The following BRINP1 variants were observed in gnomAD, a reference collection of about 807,000 sequenced individuals.
BRINP1 encodes the protein BMP/retinoic acid-inducible neural-specific protein 1.
In BRINP1, 17 loss-of-function variants were observed where a neutral mutation model predicts 72.9. That is an observed-to-expected ratio of 0.23 (90% CI 0.16 to 0.35). The LOEUF (loss-of-function observed/expected upper bound fraction) is 0.35. BRINP1 is among the 10% of genes least tolerant of loss of function. The probability of loss-of-function intolerance (pLI) is 1.00; values close to 1 mark genes in which losing one functional copy is unlikely to be tolerated. For missense variants in BRINP1, 850 were observed against 1,001.6 expected (o/e 0.85, Z 2.04); for synonymous variants, 418 against 378.5 (o/e 1.10, Z -1.21).
In BRINP1 at chr9:119,241,516, G is replaced by C. The variant is rs114065355; in HGVS notation, c.579+531C>G. On this transcript the variant is annotated intron_variant, in intron 4 of 7. Transcript: ENST00000265922. ...AAAACTTTTGCTGACTGCTGGTCTT[G>C]AGAGCAGAGTTCTAGTCCCTGTTAA... Among the ~76,000 whole-genome samples the C allele has an allele frequency of 5.9e-3, 906 of 152,310 alleles. 9 individuals are homozygous for C. Among genetic ancestry groups the C allele is most frequent in the African/African-American group, 0.02 (822 of 41,576 alleles).
intron 1 of BRINP1, among the ~76,000 whole-genome samples, chr9:119,361,169 A>T (rs1831625187): frequency 6.6e-6 from 1 of 152,168 alleles, no homozygotes; most frequent in African/African-American, 2.4e-5. Context: ...AGTCTCATTC[A>T]GTCTATTCTC....
At chr9:119,286,471 C>T (rs1288280749) in intron 2 of BRINP1, among the ~76,000 whole-genome samples, 15 of 152,144 alleles carry the variant, frequency 9.9e-5, no homozygotes, top group African/African-American at 2.7e-4. Context: ...CCTGACCTTG[C>T]GATCCGCCCA....
intron 4 of BRINP1, among the ~76,000 whole-genome samples, chr9:119,240,285 C>T (rs1362300794): frequency 1.3e-5 from 2 of 152,096 alleles, no homozygotes; most frequent in East Asian, 3.9e-4. Flanking sequence ...ACAACAACAA[C>T]AACAAAAACA....
chr9:119,178,995 G>A (rs969919940), intron 7 of BRINP1, among the ~76,000 whole-genome samples: 3 of 152,172 alleles, frequency 2.0e-5, no homozygotes, highest in Admixed American at 2.0e-4. Context: ...TCCACTCACA[G>A]ATAATTGGGG....
intron 1 of BRINP1, among the ~76,000 whole-genome samples, chr9:119,362,650 A>G (rs773833110): frequency 7.9e-5 from 12 of 152,302 alleles, no homozygotes; most frequent in Non-Finnish European, 1.5e-4. Context: ...ACAACACTTC[A>G]TTTAAATTAC....
At position 119,174,584 on chromosome 9, in the gene BRINP1, A is replaced by C. The variant is rs1829458637; in HGVS notation, c.1146-6360T>G. Among the ~76,000 whole-genome samples the C allele has an allele frequency of 2.2e-5, 3 of 137,554 alleles. No individual in the cohort carries two copies. The South Asian group carries it at 6.8e-4, about 31-fold the overall frequency. 90.2% of individuals were successfully genotyped at this position (137,554 alleles called of 152,430 possible). A position where few individuals can be genotyped will look rare whatever the true frequency, so the allele number is the denominator to read the frequency against. ...CAATTCCTCAGGGATCTAGAACTAG[A>C]AATACCATTTGACCCAGCCATCCCA... On this transcript the variant is annotated intron_variant, in intron 7 of 7. Transcript: ENST00000265922.
At chr9:119,366,106 C>A (rs138151915) in intron 1 of BRINP1, among the ~76,000 whole-genome samples, 1 of 151,942 alleles carries the variant, frequency 6.6e-6, no homozygotes, top group African/African-American at 2.4e-5. Flanking sequence ...TGGGAGAACA[C>A]AATTTGGTGT....
At chr9:119,210,646 AG>A (rs201691875) in intron 6 of BRINP1, among the ~76,000 whole-genome samples, 1,797 of 152,296 alleles carry the variant, frequency 0.012, 32 homozygotes, top group African/African-American at 0.041. Context: ...TCAGTACATT[AG>A]GAGAAAACAG....
chr9:119,193,192 C>A (rs1013876033), intron 7 of BRINP1, among the ~76,000 whole-genome samples: 1 of 151,928 alleles, frequency 6.6e-6, no homozygotes, highest in Non-Finnish European at 1.5e-5. Flanking sequence ...GTGGAACCCA[C>A]AGATATGGAA....
chr9:119,296,718 A>G (rs1160898539), intron 2 of BRINP1, among the ~76,000 whole-genome samples: 1 of 152,334 alleles, frequency 6.6e-6, no homozygotes, highest in Middle Eastern at 3.4e-3. Flanking sequence ...TGTAACATGT[A>G]TGGGCCTGGA....
chr9:119,209,312 C>A (rs987522665), intron 6 of BRINP1, among the ~76,000 whole-genome samples: 3 of 152,202 alleles, frequency 2.0e-5, no homozygotes, highest in Admixed American at 2.0e-4. Context: ...GTGGCTCACA[C>A]CTGTAATCCC....
intron 2 of BRINP1, among the ~76,000 whole-genome samples, chr9:119,259,874 T>C (rs1247208661): frequency 6.6e-6 from 1 of 152,218 alleles, no homozygotes; most frequent in Non-Finnish European, 1.5e-5. Flanking sequence ...GCCACAGTGC[T>C]TTGTTTAAGA....
At position 119,368,671 on chromosome 9, in the gene BRINP1, G is replaced by T. The variant is rs1831720829; in HGVS notation, c.-51+385C>A. ...CACACACACATCGCGCCGTAAGTAG[G>T]TTATAGGACCTCTCTCTCTTCACCC... On this transcript the variant is annotated intron_variant, in intron 1 of 7. Coordinates refer to ENST00000265922, the MANE Select transcript of BRINP1 (RefSeq NM_014618.3). This position sits in a 1 kb window ranked among gnomAD's most constrained non-coding sequence, Gnocchi z 4.7. Among the ~76,000 whole-genome samples the T allele has an allele frequency of 6.6e-6, 1 of 151,902 alleles. No individual in the cohort carries two copies. Among genetic ancestry groups the T allele is most frequent in the Admixed American group, 6.6e-5 (1 of 15,248 alleles).
At chr9:119,290,874 G>A (rs867602515) in intron 2 of BRINP1, among the ~76,000 whole-genome samples, 2 of 152,162 alleles carry the variant, frequency 1.3e-5, no homozygotes, top group South Asian at 4.1e-4. Context: ...TGTAATCCCA[G>A]CACTTTGGGA....
chr9:119,228,729 C>T (rs983981944), intron 5 of BRINP1, among the ~76,000 whole-genome samples: 7 of 151,940 alleles, frequency 4.6e-5, no homozygotes, highest in African/African-American at 1.4e-4. Context: ...AGATAATCTG[C>T]GTGATTGCGC....
intron 1 of BRINP1, among the ~76,000 whole-genome samples, chr9:119,315,676 C>T (rs769105275): frequency 1.3e-5 from 2 of 152,166 alleles, no homozygotes; most frequent in African/African-American, 2.4e-5. Flanking sequence ...AGGGCTCTTG[C>T]ACCAGTTAGC....
intron 1 of BRINP1, among the ~76,000 whole-genome samples, chr9:119,355,338 A>G (rs1317249423): frequency 6.6e-6 from 1 of 152,242 alleles, no homozygotes; most frequent in Non-Finnish European, 1.5e-5. Context: ...AGTACTTACT[A>G]TATGTGAGGC....
intron 7 of BRINP1, among the ~76,000 whole-genome samples, chr9:119,202,092 C>A (rs1276054239): frequency 1.3e-5 from 2 of 152,126 alleles, no homozygotes; most frequent in Non-Finnish European, 2.9e-5. Context: ...AGAGGAGTAA[C>A]AAGAAGGGAT....
intron 7 of BRINP1, among the ~76,000 whole-genome samples, chr9:119,187,066 C>T (rs1019794807): frequency 1.3e-5 from 2 of 151,942 alleles, no homozygotes; most frequent in African/African-American, 4.8e-5. Context: ...ATCAGAGTCA[C>T]GGTTACATCG....
Sources: allele counts gnomAD v4.1 joint callset (sites outside exome capture counted in the v4.1 genomes callset), GRCh38; gene constraint gnomAD v4.1.1; non-coding constraint Gnocchi (gnomAD v3.1); transcripts MANE v1.5; gene names NCBI Gene and HGNC (gene_info 2026-07-23, HGNC 2026-07-21).